Variants in DDX27 observed in about 807,000 individuals in gnomAD.
DDX27 encodes DEAD-box helicase 27.
Under a neutral mutation model 99.3 loss-of-function variants are expected in DDX27, and 42 were observed. The observed-to-expected ratio is 0.42, with a 90% confidence interval of 0.33 to 0.55. The LOEUF is 0.55. Among genes scored for constraint, DDX27 ranks in the 20% least tolerant of loss-of-function variants. The pLI, the probability that DDX27 is intolerant of heterozygous loss-of-function variation, is 0.07. For synonymous variants in DDX27, 329 were observed against 353.8 expected, an observed-to-expected ratio of 0.93 and a Z score of 0.79; for missense variants, 798 against 976.8, an observed-to-expected ratio of 0.82 and a Z score of 2.44.
intron 1 of DDX27, among the ~76,000 whole-genome samples, 155 bp downstream of exon 1, chr20:49,219,696 C>G (rs1475150681): frequency 6.6e-6 from 1 of 152,136 alleles, no homozygotes; most frequent in Non-Finnish European, 1.5e-5. Flanking sequence ...CTCAGTTTCC[C>G]CGCCACTAGG....
At chr20:49,220,207 G>A (rs1222858360) in intron 1 of DDX27, among the ~76,000 whole-genome samples, 4 of 152,034 alleles carry the variant, frequency 2.6e-5, no homozygotes, top group Non-Finnish European at 5.9e-5. Flanking sequence ...CTCTCATCCT[G>A]TTCCCTTCTC....
intron 6 of DDX27, among the ~76,000 whole-genome samples, chr20:49,225,798 C>G (rs1378888461): frequency 6.6e-6 from 1 of 152,148 alleles, no homozygotes; most frequent in East Asian, 1.9e-4. Flanking sequence ...CCCTCCTCTT[C>G]TTCTCTGAGT....
At chr20:49,240,857 A>G (rs1980455387) in intron 16 of DDX27, among the ~76,000 whole-genome samples, 1 of 152,116 alleles carries the variant, frequency 6.6e-6, no homozygotes, top group Non-Finnish European at 1.5e-5. Flanking sequence ...TCTACTAAAA[A>G]TCAAAAAATT....
chr20:49,235,253 A>G, intron 12 of DDX27, 165 bp downstream of exon 12: 1 of 728,436 alleles, frequency 1.4e-6, no homozygotes, highest in South Asian at 2.4e-5. Context: ...CATGTCTTAG[A>G]TGTGTTTAGA....
intron 9 of DDX27, 127 bp downstream of exon 9, chr20:49,230,476 C>T (rs2146712894): frequency 2.7e-6 from 3 of 1,121,182 alleles, no homozygotes; most frequent in East Asian, 2.6e-5. Flanking sequence ...GATACCAGAT[C>T]AGCCACTTGT....
intron 7 of DDX27, among the ~76,000 whole-genome samples, chr20:49,227,236 A>G (rs1479673434): frequency 6.6e-6 from 1 of 152,182 alleles, no homozygotes; most frequent in Non-Finnish European, 1.5e-5. Flanking sequence ...TTGCAAAAAT[A>G]GTGCATAGGG....
At chr20:49,230,466 G>A (rs1302267663) in intron 9 of DDX27, 117 bp downstream of exon 9, 17 of 1,233,414 alleles carry the variant, frequency 1.4e-5, no homozygotes, top group Non-Finnish European at 1.9e-5. Context: ...GTTGGTGTGC[G>A]ATACCAGATC....
intron 19 of DDX27, 55 bp from the exon 20 acceptor site, chr20:49,243,574 C>A: frequency 6.6e-7 from 1 of 1,512,780 alleles, no homozygotes; most frequent in Non-Finnish European, 9.2e-7. Context: ...GGGGGTGAGA[C>A]AACACCCATT....
At chr20:49,230,423 C>T in intron 9 of DDX27, 74 bp downstream of exon 9, 1 of 1,497,856 alleles carries the variant, frequency 6.7e-7, no homozygotes, top group Non-Finnish European at 9.0e-7. Flanking sequence ...ACCTGCCACA[C>T]TGCGTTATTC....
At chr20:49,228,626 AG>A in intron 7 of DDX27, 88 bp from the exon 8 acceptor site, 1 of 1,235,888 alleles carries the variant, frequency 8.1e-7, no homozygotes, top group Non-Finnish European at 1.1e-6. Context: ...TTCCCCAACC[AG>A]ACGTAGTTTT....
Position 49,236,684 on chromosome 20 carries a change from C to T in DDX27, c.1687+174C>T, listed in dbSNP as rs1980320949. ...TCACCTCACCTCTCTGAGCTTGCCT[C>T]CTGTGTGTAGAAGGGAATTATGACA... On this transcript the variant is annotated intron_variant, in intron 14 of 20. Transcript: ENST00000618172. The surrounding 1 kb of genome is among the most constrained non-coding windows in gnomAD (Gnocchi z 4.1). 1.3e-5 allele frequency among the ~76,000 whole-genome samples: 2 copies of T among 152,116 alleles called. No individual in the cohort carries two copies. The highest frequency in any genetic ancestry group is 4.8e-5 in the African/African-American group (2 of 41,428).
At chr20:49,234,263 CTTTT>C in intron 11 of DDX27, 1 of 145,690 alleles carries the variant, frequency 6.9e-6, no homozygotes, top group Non-Finnish European at 1.5e-5. Context: ...CCTGCTTGCA[CTTTT>C]TTTTTTTTTT....
chr20:49,233,794 C>T, intron 11 of DDX27, 85 bp downstream of exon 11: 5 of 1,489,786 alleles, frequency 3.4e-6, no homozygotes, highest in Middle Eastern at 4.7e-4. Flanking sequence ...CTTGGTTTCC[C>T]CTGCGCCTCT....
At position 49,230,336 on chromosome 20, in the gene DDX27, G is replaced by T; in HGVS notation, c.1018G>T (p.Asp340Tyr). Reference protein sequence around the residue: ...HLSSIEVLILDEADRMLDEYF... With the variant: ...HLSSIEVLILYEADRMLDEYF... Reference sequence around the variant, plus strand: ...GAGCAGCATCGAGGTGCTCATCCTGGACGAGGCTGACAGGTGCTCCTCACA... The same window carrying T: ...GAGCAGCATCGAGGTGCTCATCCTGTACGAGGCTGACAGGTGCTCCTCACA... Residue 340 changes from aspartate to tyrosine, a missense_variant, in exon 9 of 21, where the codon GAC becomes TAC. Asp to Tyr is a radical substitution (Grantham distance 160, BLOSUM62 -3). Coordinates refer to ENST00000618172, the MANE Select transcript of DDX27 (RefSeq NM_017895.8). 6.2e-7 allele frequency: 1 copy of T among 1,607,864 alleles called. No individual in the cohort carries two copies.
In DDX27 at chr20:49,235,084, C is replaced by T; in HGVS notation, c.1423C>T (p.Leu475Phe). 1 of 1,602,520 alleles carries T rather than the reference C, an allele frequency of 6.2e-7. No homozygotes were observed. Among genetic ancestry groups the T allele is most frequent in the East Asian group, 2.2e-5 (1 of 44,750 alleles). Residue 475 changes from leucine (L) to phenylalanine (F), a missense_variant, in exon 12 of 21, where the codon CTC becomes TTC. Leu to Phe is a conservative substitution (Grantham distance 22). This residue lies in a region of DDX27 where 553 missense variants were observed against 727.9 expected (regional missense o/e 0.76). Coordinates refer to ENST00000618172, the MANE Select transcript of DDX27 (RefSeq NM_017895.8). ...NLSQTQRLEA[L>F]RRFKDEQIDI... ...GTCACAGACGCAGCGGCTGGAGGCC[C>T]TCCGGTAACATTTGGGGTGGGGACT...
chr20:49,220,435 A>G (rs547011692), intron 1 of DDX27, among the ~76,000 whole-genome samples: 135 of 152,264 alleles, frequency 8.9e-4, no homozygotes, highest in Admixed American at 2.0e-3. Flanking sequence ...GAGCACTTCC[A>G]GTGTATTCTT....
chr20:49,233,109 T>C (rs1980180514), intron 9 of DDX27, among the ~76,000 whole-genome samples, 197 bp from the exon 10 acceptor site: 1 of 152,158 alleles, frequency 6.6e-6, no homozygotes, highest in African/African-American at 2.4e-5. Context: ...TGTTATAACA[T>C]CTGTGACTGA....
chr20:49,244,068 G>C lies in DDX27; in HGVS notation c.*234G>C, dbSNP rs115325037. 2.1e-3 allele frequency: 1,276 copies of C among 594,486 alleles called. 18 individuals carry two copies. The highest frequency in any genetic ancestry group is 0.021 in the African/African-American group (1,133 of 53,894). 36.8% of individuals were successfully genotyped at this position (594,486 alleles called of 1,614,324 possible). On this transcript the variant is annotated 3_prime_UTR_variant, in exon 21 of 21. Coordinates refer to ENST00000618172, the MANE Select transcript of DDX27 (RefSeq NM_017895.8). Reference sequence around the variant, plus strand: ...TTAAATGGAAGTATTTTTGGGAAAAGAGAAACCAATCCAAGTGTATATCTT... The same window carrying C: ...TTAAATGGAAGTATTTTTGGGAAAACAGAAACCAATCCAAGTGTATATCTT...
chr20:49,234,821 A>C (rs1980250933), intron 11 of DDX27, 114 bp from the exon 12 acceptor site: 15 of 1,249,400 alleles, frequency 1.2e-5, no homozygotes, highest in Non-Finnish European at 1.6e-5. Context: ...GGACAGGGAC[A>C]GTGCCTGTCT....
Sources: gnomAD v4.1 joint callset for allele counts (sites outside exome capture counted in the v4.1 genomes callset) on GRCh38, gnomAD v4.1.1 for gene constraint, gnomAD v4.1.1 regional missense constraint, Gnocchi (gnomAD v3.1) non-coding constraint, MANE v1.5 for transcripts, NCBI Gene and HGNC (gene_info 2026-07-23, HGNC 2026-07-21) for gene names.